Variants in CTNNA3 observed in about 807,000 individuals in gnomAD.
CTNNA3 encodes catenin alpha 3.
Under a neutral mutation model 95.7 loss-of-function variants are expected in CTNNA3, and 76 were observed. The ratio of observed to expected loss-of-function variants is 0.79; its 90% CI spans 0.66 to 0.96. CTNNA3 has a LOEUF of 0.96. Ranked by LOEUF, CTNNA3 falls within the 40% of genes least tolerant of loss-of-function variation. The pLI is 0.00. For synonymous variants in CTNNA3, 431 were observed against 374.4 expected, an observed-to-expected ratio of 1.15 and a Z score of -1.74; for missense variants, 1,191 against 1,089.8, an observed-to-expected ratio of 1.09 and a Z score of -1.31.
At chr10:67,103,473 T>C (rs1822408101) in intron 7 of CTNNA3, among the ~76,000 whole-genome samples, 1 of 151,716 alleles carries the variant, frequency 6.6e-6, no homozygotes, top group African/African-American at 2.4e-5. Flanking sequence ...AAGCTGGAAG[T>C]GGGGAGAAAG....
intron 11 of CTNNA3, among the ~76,000 whole-genome samples, chr10:66,411,417 C>T (rs1428058725): frequency 2.0e-5 from 3 of 151,764 alleles, no homozygotes; most frequent in African/African-American, 7.3e-5. Context: ...CAGGAGATAA[C>T]ATTTTTATCA....
Position 65,991,494 on chromosome 10 carries a change from T to C in CTNNA3, c.2160-2697A>G, listed in dbSNP as rs138101919. 9.6e-3 allele frequency among the ~76,000 whole-genome samples: 1,458 copies of C among 152,142 alleles called. 15 individuals carry two copies. Among genetic ancestry groups the C allele is most frequent in the Middle Eastern group, 0.027 (8 of 294 alleles). ...GTTGGTTCTTGTTTGGTTAAAATTA[T>C]TCCTAGGCTTTTTTTTTGTAGCTAT... On this transcript the variant is annotated intron_variant, in intron 15 of 17. Transcript: ENST00000433211.
intron 11 of CTNNA3, among the ~76,000 whole-genome samples, chr10:66,475,891 C>G (rs1478815164): frequency 1.3e-5 from 2 of 152,048 alleles, no homozygotes; most frequent in African/African-American, 4.8e-5. Context: ...ATAAATCATC[C>G]TATTATAAAG....
chr10:65,938,890 C>CTTTTT (rs35971028), intron 17 of CTNNA3, among the ~76,000 whole-genome samples: 1 of 145,256 alleles, frequency 6.9e-6, no homozygotes. Flanking sequence ...AAGAGTTTTC[C>CTTTTT]TTTTTTTTTT....
intron 11 of CTNNA3, among the ~76,000 whole-genome samples, chr10:66,493,599 A>ATTTTTTTTTTTTTTTTT (rs528761424): frequency 3.5e-4 from 39 of 112,016 alleles, no homozygotes; most frequent in East Asian, 1.9e-3. Context: ...TAACTACAGT[A>ATTTTTTTTTTTTTTTTT]TTTTTTTTTT....
intron 5 of CTNNA3, among the ~76,000 whole-genome samples, chr10:67,394,445 C>T (rs1019952403): frequency 2.6e-5 from 4 of 152,040 alleles, no homozygotes; most frequent in African/African-American, 7.2e-5. Context: ...GGCATGTTTG[C>T]TTTGAAATAC....
At chr10:66,645,380 T>A (rs536139509) in intron 9 of CTNNA3, among the ~76,000 whole-genome samples, 1 of 152,224 alleles carries the variant, frequency 6.6e-6, no homozygotes, top group Non-Finnish European at 1.5e-5. Flanking sequence ...TTGAGTTTAT[T>A]TTTGTGTACA....
chr10:67,427,492 T>C (rs2132885773), intron 5 of CTNNA3, among the ~76,000 whole-genome samples: 1 of 152,122 alleles, frequency 6.6e-6, no homozygotes, highest in Non-Finnish European at 1.5e-5. Context: ...CTTCTCTTTG[T>C]AAAAATTCAA....
chr10:66,996,670 A>AAAAAAAAAAAAAAACC, intron 7 of CTNNA3, among the ~76,000 whole-genome samples: 1 of 150,596 alleles, frequency 6.6e-6, no homozygotes. Flanking sequence ...AAAAAAAAAA[A>AAAAAAAAAAAAAAACC]AGCATGTTTG....
chr10:67,566,427 T>C (rs1481021288), intron 3 of CTNNA3, among the ~76,000 whole-genome samples: 1 of 151,568 alleles, frequency 6.6e-6, no homozygotes, highest in African/African-American at 2.4e-5. Context: ...AAAATGCTCA[T>C]CATCACTGGC....
intron 7 of CTNNA3, among the ~76,000 whole-genome samples, chr10:67,107,707 T>C (rs565482969): frequency 4.7e-4 from 71 of 152,260 alleles, no homozygotes; most frequent in African/African-American, 1.6e-3. Flanking sequence ...TTAAAGACCA[T>C]GATCAAAATC....
intron 8 of CTNNA3, among the ~76,000 whole-genome samples, chr10:66,768,031 G>C (rs2132793053): frequency 6.6e-6 from 1 of 152,242 alleles, no homozygotes; most frequent in Middle Eastern, 3.4e-3. Context: ...TAATGTGTTT[G>C]CTGTCTATAG....
At chr10:67,483,605 T>C (rs1335300557) in intron 5 of CTNNA3, among the ~76,000 whole-genome samples, 1 of 150,224 alleles carries the variant, frequency 6.7e-6, no homozygotes, top group Non-Finnish European at 1.5e-5. Context: ...CTGGGGACTG[T>C]TGTGGGGTGG....
In CTNNA3 at chr10:66,766,308, C is replaced by T. The variant is rs1427857068; in HGVS notation, c.1237G>A (p.Glu413Lys). 1.2e-6 allele frequency: 2 copies of T among 1,613,794 alleles called. No homozygotes were observed. The highest frequency in any genetic ancestry group is 1.3e-5 in the African/African-American group (1 of 74,888). The part of the protein sequence containing the change: ...AKNGREKEIK[E>K]YAAIFHEHTS... The stretch of plus-strand genomic sequence containing the variant: ...TGTTCATGAAATATCGCAGCATATT[C>T]TTTTATTTCCTTTTCCCGGCCATTC... The change falls in exon 9 of 18, where the codon GAA becomes AAA. Residue 413 changes from glutamate (E) to lysine (K), a missense_variant. Coordinates refer to ENST00000433211, the MANE Select transcript of CTNNA3 (RefSeq NM_013266.4).
At chr10:66,606,951 G>C (rs1315720721) in intron 10 of CTNNA3, among the ~76,000 whole-genome samples, 1 of 151,598 alleles carries the variant, frequency 6.6e-6, no homozygotes, top group African/African-American at 2.4e-5. Context: ...GAAGGAGACT[G>C]AGACACCAAA....
chr10:67,083,830 T>G (rs1368789809), intron 7 of CTNNA3, among the ~76,000 whole-genome samples: 1 of 152,206 alleles, frequency 6.6e-6, no homozygotes, highest in Non-Finnish European at 1.5e-5. Context: ...AGAGTCTGAT[T>G]TACTTGCAAA....
intron 3 of CTNNA3, among the ~76,000 whole-genome samples, chr10:67,595,230 T>G (rs980231873): frequency 4.6e-5 from 7 of 152,226 alleles, no homozygotes; most frequent in South Asian, 2.1e-4. Context: ...AAATTTAGAC[T>G]GTCAATTTGA....
intron 7 of CTNNA3, among the ~76,000 whole-genome samples, chr10:66,803,188 C>G (rs1190286402): frequency 6.6e-6 from 1 of 152,010 alleles, no homozygotes; most frequent in Non-Finnish European, 1.5e-5. Context: ...TATTTTCAGG[C>G]AGGGCAATTA....
chr10:67,736,933 AAAG>A (rs1330787446), intron 1 of CTNNA3, among the ~76,000 whole-genome samples: 1 of 152,090 alleles, frequency 6.6e-6, no homozygotes, highest in East Asian at 1.9e-4. Flanking sequence ...CAAATCCAAA[AAAG>A]AAGAAATCAT....
Sources: allele counts gnomAD v4.1 joint callset (sites outside exome capture counted in the v4.1 genomes callset), GRCh38; gene constraint gnomAD v4.1.1; transcripts MANE v1.5; gene names NCBI Gene and HGNC (gene_info 2026-07-23, HGNC 2026-07-21).